PRKCH: variants seen among roughly 807,000 people sequenced by gnomAD.
PRKCH encodes the protein protein kinase C eta.
In PRKCH, 28 loss-of-function variants were observed where a neutral mutation model predicts 82.5. That is an observed-to-expected ratio of 0.34 (90% CI 0.25 to 0.47). PRKCH has a LOEUF of 0.47. Among genes scored for constraint, PRKCH ranks in the 20% least tolerant of loss-of-function variants. The pLI is 1.00. For missense variants in PRKCH, 705 were observed against 881.8 expected, an observed-to-expected ratio of 0.80 and a Z score of 2.54; for synonymous variants, 322 against 327.4, an observed-to-expected ratio of 0.98 and a Z score of 0.18.
At chr14:61,213,461 A>G (rs991289900) in intron 1 of PRKCH, among the ~76,000 whole-genome samples, 1 of 152,220 alleles carries the variant, frequency 6.6e-6, no homozygotes, top group African/African-American at 2.4e-5. Context: ...TTGGACCCAA[A>G]TGCAAAGAAC....
chr14:61,287,026 C>T lies in PRKCH; in HGVS notation c.-19+99358C>T, dbSNP rs140226559. Among the ~76,000 whole-genome samples the T allele has an allele frequency of 9.2e-3, 1,388 of 150,886 alleles. 7 individuals carry two copies. Among genetic ancestry groups the T allele is most frequent in the African/African-American group, 0.022 (895 of 41,066 alleles). On this transcript the variant is annotated intron_variant, in intron 1 of 3. Transcript: ENST00000555185. ...TTAGAGACCAGCCTGGCCAATATGG[C>T]GAAACCCCGTCACTACTAAAAATAC...
intron 1 of PRKCH, among the ~76,000 whole-genome samples, chr14:61,230,227 C>T (rs1205784140): frequency 2.0e-5 from 3 of 152,138 alleles, no homozygotes; most frequent in East Asian, 3.9e-4. Context: ...CCAATGCATA[C>T]GCTTCCTGTT....
At position 61,262,219 on chromosome 14, in the gene PRKCH, T is replaced by TAAAAAAAAAAAAAAAAAAAAAAA; in HGVS notation, c.-19+74564_-19+74565insAAAAAAAAAAAAAAAAAAAAAAA. ...CTCAGTGACAGAGTGAGACTCTGTATAAAAAAAAAAAAAGAATATTCAGAG... is the reference window on the plus strand; with the variant it reads ...CTCAGTGACAGAGTGAGACTCTGTATAAAAAAAAAAAAAAAAAAAAAAAAAAAAAAAAAAAAGAATATTCAGAG... On this transcript the variant is annotated intron_variant, in intron 1 of 3. Transcript: ENST00000555185. Among the ~76,000 whole-genome samples the TAAAAAAAAAAAAAAAAAAAAAAA allele has an allele frequency of 1.8e-3, 189 of 106,412 alleles. 9 individuals are homozygous for TAAAAAAAAAAAAAAAAAAAAAAA. The highest frequency in any genetic ancestry group is 6.7e-3 in the African/African-American group (163 of 24,376). 69.8% of individuals were successfully genotyped at this position (106,412 alleles called of 152,430 possible).
At chr14:61,525,590 G>T (rs903555679) in intron 10 of PRKCH, 1 of 152,208 alleles carries the variant, frequency 6.6e-6, no homozygotes, top group African/African-American at 2.4e-5. Flanking sequence ...CTCCCTGCGC[G>T]ATTCCTGCTG....
intron 1 of PRKCH, among the ~76,000 whole-genome samples, chr14:61,211,547 A>G (rs1292779042): frequency 1.3e-5 from 2 of 152,204 alleles, no homozygotes; most frequent in African/African-American, 4.8e-5. Context: ...CTTTGCATAT[A>G]GTAGGTACTC....
chr14:61,371,661 A>G (rs915878813), intron 1 of PRKCH, among the ~76,000 whole-genome samples: 22 of 152,082 alleles, frequency 1.4e-4, no homozygotes, highest in African/African-American at 5.1e-4. Context: ...CATGCTATCA[A>G]AACGACCTAT....
At chr14:61,325,330 C>T (rs2045681090) in intron 1 of PRKCH, among the ~76,000 whole-genome samples, 1 of 152,172 alleles carries the variant, frequency 6.6e-6, no homozygotes, top group African/African-American at 2.4e-5. Context: ...ATATGACCCA[C>T]TGATTTCTGA....
At chr14:61,214,376 G>T (rs1013919305) in intron 1 of PRKCH, among the ~76,000 whole-genome samples, 1 of 152,022 alleles carries the variant, frequency 6.6e-6, no homozygotes, top group Non-Finnish European at 1.5e-5. Context: ...TGATCATCAC[G>T]GTCCAGTCTA....
chr14:61,356,202 T>C (rs912809392), intron 1 of PRKCH, among the ~76,000 whole-genome samples: 2 of 152,194 alleles, frequency 1.3e-5, no homozygotes, highest in East Asian at 3.8e-4. Flanking sequence ...TTTTGCAGGC[T>C]GCCTGGTCGA....
chr14:61,443,137 A>C lies in PRKCH; in HGVS notation c.454A>C (p.Lys152Gln). 1 of 1,614,002 alleles carries C rather than the reference A, an allele frequency of 6.2e-7. No individual in the cohort carries two copies. The stretch of plus-strand genomic sequence containing the variant: ...TACTCTCCAGAGAGACCGGATCTTC[A>C]AACATTTTACCAGGAAGCGCCAAAG... The part of the protein sequence containing the change: ...EATLQRDRIF[K>Q]HFTRKRQRAM... Residue 152 changes from lysine to glutamine, a missense_variant, in exon 3 of 14, where the codon AAA becomes CAA. Lys to Gln is a moderately conservative substitution (Grantham distance 53). Coordinates refer to ENST00000332981, the MANE Select transcript of PRKCH (RefSeq NM_006255.5).
chr14:61,509,157 G>A (rs994353782), intron 10 of PRKCH, among the ~76,000 whole-genome samples: 1 of 152,146 alleles, frequency 6.6e-6, no homozygotes, highest in Admixed American at 6.5e-5. Flanking sequence ...AGGTGCCAGA[G>A]TTTGCAGTTT....
chr14:61,371,657 A>G (rs753687375), intron 1 of PRKCH, among the ~76,000 whole-genome samples: 81 of 152,068 alleles, frequency 5.3e-4, no homozygotes, highest in Non-Finnish European at 9.3e-4. Context: ...CATACATGCT[A>G]TCAAAACGAC....
chr14:61,419,554 T>G (rs1882726034), intron 2 of PRKCH, among the ~76,000 whole-genome samples: 1 of 152,192 alleles, frequency 6.6e-6, no homozygotes, highest in African/African-American at 2.4e-5. Context: ...CAAGATCACC[T>G]CCAGTTGAGA....
chr14:61,382,869 G>T (rs1197616660), intron 1 of PRKCH, among the ~76,000 whole-genome samples: 1 of 152,192 alleles, frequency 6.6e-6, no homozygotes, highest in Non-Finnish European at 1.5e-5. Flanking sequence ...GAAGGGAAAT[G>T]GTTGTAAATT....
At chr14:61,505,395 C>CTTTTTCTT (rs1887099057) in intron 10 of PRKCH, among the ~76,000 whole-genome samples, 5 of 55,766 alleles carry the variant, frequency 9.0e-5, no homozygotes, top group African/African-American at 1.9e-4. Context: ...CTTTTCTTTT[C>CTTTTTCTT]TTTTTTTTTT....
chr14:61,542,150 C>A (rs187833592), intron 12 of PRKCH, among the ~76,000 whole-genome samples: 2 of 151,914 alleles, frequency 1.3e-5, no homozygotes, highest in African/African-American at 4.8e-5. Context: ...ATTAGTCGGG[C>A]GTGGTGGTGC....
chr14:61,216,725 T>C (rs1193152768), intron 1 of PRKCH, among the ~76,000 whole-genome samples: 1 of 152,176 alleles, frequency 6.6e-6, no homozygotes, highest in Non-Finnish European at 1.5e-5. Flanking sequence ...TGTTGTCATG[T>C]GGATGGTTTT....
intron 1 of PRKCH, among the ~76,000 whole-genome samples, chr14:61,285,254 A>G (rs1230139114): frequency 1.3e-5 from 2 of 152,230 alleles, no homozygotes; most frequent in Admixed American, 1.3e-4. Context: ...ATATTTTGAT[A>G]CTTTCACCAA....
intron 2 of PRKCH, among the ~76,000 whole-genome samples, chr14:61,437,217 GATC>G (rs1438314521): frequency 1.3e-5 from 2 of 152,184 alleles, no homozygotes; most frequent in African/African-American, 2.4e-5. Context: ...CTGTCTCAGA[GATC>G]ATCATCATCT....
Sources: gnomAD v4.1 joint callset for allele counts (sites outside exome capture counted in the v4.1 genomes callset) on GRCh38, gnomAD v4.1.1 for gene constraint, MANE v1.5 for transcripts, NCBI Gene and HGNC (gene_info 2026-07-23, HGNC 2026-07-21) for gene names.